Variants in XIAP observed in about 807,000 individuals in gnomAD.
XIAP encodes the protein E3 ubiquitin-protein ligase XIAP.
XIAP carries 3 observed loss-of-function variants against 33.1 expected under a neutral mutation model. The ratio of observed to expected loss-of-function variants is 0.09; its 90% CI spans 0.04 to 0.23. The LOEUF (loss-of-function observed/expected upper bound fraction) is 0.23, where lower values mean the gene tolerates loss of function less well. Among genes scored for constraint, XIAP ranks in the 10% least tolerant of loss-of-function variants. The pLI is 1.00. For synonymous variants in XIAP, 98 were observed against 121.3 expected (o/e 0.81, Z 1.26); for missense variants, 264 against 363.0 (o/e 0.73, Z 2.22).
intron 1 of XIAP, among the ~76,000 whole-genome samples, chrX:123,875,029 T>A (rs1352232854): frequency 9.6e-6 from 1 of 104,501 alleles, no homozygotes; most frequent in African/African-American, 3.5e-5. Context: ...GATTTATTTT[T>A]TTTTTTTTTT....
intron 1 of XIAP, among the ~76,000 whole-genome samples, chrX:123,867,901 C>G (rs144661830): frequency 0.019 from 2,117 of 111,029 alleles, 46 homozygotes; most frequent in African/African-American, 0.065. Context: ...GTCTCGAACT[C>G]CTGACCTCAG....
intron 2 of XIAP, among the ~76,000 whole-genome samples, chrX:123,887,201 A>G (rs2053360253): frequency 9.0e-6 from 1 of 111,348 alleles, no homozygotes; most frequent in Admixed American, 9.6e-5. Context: ...TTACAGGTGC[A>G]TGCACCATGC....
rs961359446 is a variant in XIAP at position 123,913,682 on chromosome X, A to C, written c.*6501A>C. 2 of 322,987 alleles carry C rather than the reference A, an allele frequency of 6.2e-6. No individual in the cohort carries two copies. Among genetic ancestry groups the C allele is most frequent in the Non-Finnish European group, 1.2e-5 (2 of 168,589 alleles). The allele number at this position is 322,987 out of a possible 1,213,427, so 26.6% of individuals were successfully genotyped here. On this transcript the variant is annotated 3_prime_UTR_variant, in exon 7 of 7. Transcript: ENST00000371199. ...AAATTTGCAGTTTTGGTTTGATGTA[A>C]CAAGGGTTTTAATGTAATTTATGTT...
Position 123,910,229 on chromosome X carries a change from T to C in XIAP, c.*3048T>C, listed in dbSNP as rs775205576. The C allele has an allele frequency of 3.0e-6, 1 of 328,157 alleles. No individual in the cohort carries two copies. The highest frequency in any genetic ancestry group is 2.7e-5 in the African/African-American group (1 of 37,687). The allele number at this position is 328,157 out of a possible 1,213,427, so 27.0% of individuals were successfully genotyped here. A position where few individuals can be genotyped will look rare whatever the true frequency, so the allele number is the denominator to read the frequency against. ...TTTATATTGCCTTTCCTGCTACATT[T>C]GGTTTTTTCCCCTGTCCCTTTGATT... On this transcript the variant is annotated 3_prime_UTR_variant, in exon 7 of 7. Coordinates refer to ENST00000371199, the MANE Select transcript of XIAP (RefSeq NM_001167.4).
At position 123,910,780 on chromosome X, in the gene XIAP, ATGGTG is replaced by A. The variant is rs2053592891; in HGVS notation, c.*3602_*3606del. The A allele has an allele frequency of 3.6e-6, 1 of 275,657 alleles. No homozygotes were observed. The highest frequency in any genetic ancestry group is 2.9e-5 in the African/African-American group (1 of 34,127). The allele number at this position is 275,657 out of a possible 1,213,427, so 22.7% of individuals were successfully genotyped here. ...CTACTCGGGAGGCTGAGGCAGGAGA[ATGGTG>A]TGAACCCGGGAGGCAGAGCTTGCAG... On this transcript the variant is annotated 3_prime_UTR_variant, in exon 7 of 7. Coordinates refer to ENST00000371199, the MANE Select transcript of XIAP (RefSeq NM_001167.4).
chrX:123,859,835 G>T (rs999028127), upstream of XIAP: 1 of 251,717 alleles, frequency 4.0e-6, no homozygotes, highest in Non-Finnish European at 7.5e-6. Flanking sequence ...CATCCGGTTC[G>T]GGGAGGTGGC....
intron 1 of XIAP, among the ~76,000 whole-genome samples, chrX:123,863,180 G>T (rs770320225): frequency 4.7e-4 from 52 of 111,682 alleles, no homozygotes; most frequent in African/African-American, 1.7e-3. Flanking sequence ...GCCAAGTGCG[G>T]TGGCTTTCAC....
chrX:123,897,691 T>C (rs1025586848), intron 5 of XIAP, among the ~76,000 whole-genome samples: 5 of 111,634 alleles, frequency 4.5e-5, no homozygotes, highest in Non-Finnish European at 9.4e-5. Context: ...GCCTCCCCAG[T>C]AGCTGGGACT....
At chrX:123,866,160 C>T (rs2053133215) in intron 1 of XIAP, among the ~76,000 whole-genome samples, 3 of 109,751 alleles carry the variant, frequency 2.7e-5, no homozygotes, top group East Asian at 2.9e-4. Context: ...AGGTTGGCCT[C>T]GAACTCCTGA....
In XIAP at chrX:123,886,101, G is replaced by A; in HGVS notation, c.439G>A (p.Val147Ile). ...ADYLLRTGQV[V>I]DISDTIYPRN... ...CTATCTTTTGAGAACTGGGCAGGTT[G>A]TAGATATATCAGACACCATATACCC... Residue 147 changes from valine to isoleucine, a missense_variant, in exon 2 of 7, where the codon GTA (valine) becomes ATA (isoleucine). By Grantham distance (29) the Val-to-Ile change is conservative. Transcript: ENST00000371199. 1.7e-6 allele frequency: 2 copies of A among 1,211,671 alleles called. No homozygotes were observed. Among genetic ancestry groups the A allele is most frequent in the Non-Finnish European group, 2.2e-6 (2 of 895,549 alleles).
Position 123,911,895 on chromosome X carries a change from A to G in XIAP, c.*4714A>G, listed in dbSNP as rs1184789986. On this transcript the variant is annotated 3_prime_UTR_variant, in exon 7 of 7. Transcript: ENST00000371199. ...AGGGCTGGAAGTGACCTTAGAGAGT[A>G]TCCAGTTCTTTCATTTTACAGGTGA... 1 of 329,102 alleles carries G rather than the reference A, an allele frequency of 3.0e-6. No homozygotes were observed. The highest frequency in any genetic ancestry group is 3.1e-5 in the Admixed American group (1 of 32,153). 27.1% of individuals were successfully genotyped at this position (329,102 alleles called of 1,213,427 possible).
chrX:123,867,960 G>A (rs760321003), intron 1 of XIAP, among the ~76,000 whole-genome samples: 1 of 111,747 alleles, frequency 8.9e-6, no homozygotes, highest in South Asian at 3.7e-4. Flanking sequence ...ACAGGCATGA[G>A]CCACTGCGCC....
Position 123,909,752 on chromosome X carries a change from T to C in XIAP, c.*2571T>C, listed in dbSNP as rs1036326671. 1.1e-4 allele frequency: 37 copies of C among 328,068 alleles called. No individual in the cohort carries two copies. The highest frequency in any genetic ancestry group is 1.9e-4 in the Non-Finnish European group (32 of 169,826). 27.0% of individuals were successfully genotyped at this position (328,068 alleles called of 1,213,427 possible). A position where few individuals can be genotyped will look rare whatever the true frequency, so the allele number is the denominator to read the frequency against. On this transcript the variant is annotated 3_prime_UTR_variant, in exon 7 of 7. Coordinates refer to ENST00000371199, the MANE Select transcript of XIAP (RefSeq NM_001167.4). ...TGTGAAATTTAATGCACAACGCTGA[T>C]GTGGCTAACAAGTTTATTTTAAGAA...
Position 123,913,509 on chromosome X carries a change from TTAA to T in XIAP, c.*6330_*6332del. ...ACAAAAAAATTAGACAAATGCTACA[TTAA>T]TGTTTGGGTGGTCAGATTCTACTTT... On this transcript the variant is annotated 3_prime_UTR_variant, in exon 7 of 7. Transcript: ENST00000371199. 1 of 329,122 alleles carries T rather than the reference TTAA, an allele frequency of 3.0e-6. No individual in the cohort carries two copies. The highest frequency in any genetic ancestry group is 5.9e-6 in the Non-Finnish European group (1 of 169,880). 27.1% of individuals were successfully genotyped at this position (329,122 alleles called of 1,213,427 possible).
chrX:123,864,973 C>G (rs1343406203), intron 1 of XIAP, among the ~76,000 whole-genome samples: 1 of 95,076 alleles, frequency 1.1e-5, no homozygotes, highest in Non-Finnish European at 2.1e-5. Flanking sequence ...CGAGCCATCA[C>G]ACCAGGCCGC....
At chrX:123,868,961 G>A (rs182538928) in intron 1 of XIAP, among the ~76,000 whole-genome samples, 3 of 110,696 alleles carry the variant, frequency 2.7e-5, no homozygotes, top group Non-Finnish European at 5.7e-5. Context: ...TCTTTGTTAT[G>A]GATACATGTG....
chrX:123,874,088 A>G (rs901040383), intron 1 of XIAP, among the ~76,000 whole-genome samples: 7 of 111,583 alleles, frequency 6.3e-5, no homozygotes, highest in African/African-American at 2.0e-4. Flanking sequence ...TGAAAAGCCA[A>G]AACTTTGCAT....
chrX:123,891,308 G>T lies in XIAP; in HGVS notation c.1048G>T (p.Glu350Ter), dbSNP rs773573633. ...TATTCATTTAACTCATTCACTTGAGGAGTGTCTGGTAAGTCTCATATAATT... is the reference window on the plus strand; with the variant it reads ...TATTCATTTAACTCATTCACTTGAGTAGTGTCTGGTAAGTCTCATATAATT... ...NNIHLTHSLE[E>*]CLVRTTEKTP... The change falls in exon 4 of 7, where the codon GAG becomes TAG. Residue 350 changes from glutamate (E) to a stop codon, truncating the protein, a stop_gained. Coordinates refer to ENST00000371199, the MANE Select transcript of XIAP (RefSeq NM_001167.4). LOFTEE classifies it high-confidence loss of function. The T allele has an allele frequency of 1.3e-5, 14 of 1,047,550 alleles. No homozygotes were observed. The highest frequency in any genetic ancestry group is 1.8e-5 in the Non-Finnish European group (14 of 758,059). 86.3% of individuals were successfully genotyped at this position (1,047,550 alleles called of 1,213,427 possible). A position where few individuals can be genotyped will look rare whatever the true frequency, so the allele number is the denominator to read the frequency against.
intron 1 of XIAP, among the ~76,000 whole-genome samples, chrX:123,868,162 T>C (rs950784201): frequency 9.3e-6 from 1 of 107,291 alleles, no homozygotes; most frequent in Admixed American, 1.0e-4. Context: ...TCTCTACCAA[T>C]AATAAAAAAA....
Sources: gnomAD v4.1 joint callset for allele counts (sites outside exome capture counted in the v4.1 genomes callset) on GRCh38, gnomAD v4.1.1 for gene constraint, MANE v1.5 for transcripts, NCBI Gene and HGNC (gene_info 2026-07-23, HGNC 2026-07-21) for gene names.